Variants in PCNX1 observed in about 807,000 individuals in gnomAD.
The protein encoded by PCNX1 is pecanex 1, also known as pecanex-like protein 1.
PCNX1 carries 78 observed loss-of-function variants against 242.2 expected under a neutral mutation model. That is an observed-to-expected ratio of 0.32 (90% CI 0.27 to 0.39). PCNX1 has a LOEUF of 0.39. Ranked by LOEUF, PCNX1 falls within the 10% of genes least tolerant of loss-of-function variation. PCNX1 has a pLI of 1.00. For missense variants in PCNX1, 2,581 were observed against 2,856.5 expected (o/e 0.90, Z 2.20); for synonymous variants, 1,024 against 1,032.9 (o/e 0.99, Z 0.17).
intron 3 of PCNX1, among the ~76,000 whole-genome samples, chr14:70,965,662 C>CAA (rs11453401): frequency 0.034 from 3,080 of 90,482 alleles, 113 homozygotes; most frequent in African/African-American, 0.068. Flanking sequence ...GACTCCGTCT[C>CAA]AAAAAAAAAA....
In PCNX1 at chr14:71,111,216, A is replaced by G. The variant is rs1211837018; in HGVS notation, c.*1281A>G. 1 of 152,562 alleles carries G rather than the reference A, an allele frequency of 6.6e-6. No individual in the cohort carries two copies. The highest frequency in any genetic ancestry group is 1.9e-4 in the East Asian group (1 of 5,200). The allele number at this position is 152,562 out of a possible 1,614,324, so 9.5% of individuals were successfully genotyped here. On this transcript the variant is annotated 3_prime_UTR_variant, in exon 36 of 36. Coordinates refer to ENST00000304743, the MANE Select transcript of PCNX1 (RefSeq NM_014982.3). ...TTTAAATGCATATTCAGGGAAATAT[A>G]TTACTCATATTTACAATTGGGCGAT... is the stretch of plus-strand genomic sequence containing the variant.
chr14:70,947,654 G>A (rs1242623528), intron 2 of PCNX1, among the ~76,000 whole-genome samples: 1 of 152,050 alleles, frequency 6.6e-6, no homozygotes, highest in South Asian at 2.1e-4. Context: ...TGTGATGATT[G>A]CGTTGTCTGT....
intron 26 of PCNX1, among the ~76,000 whole-genome samples, chr14:71,067,377 T>C (rs917441815): frequency 6.6e-6 from 1 of 152,206 alleles, no homozygotes; most frequent in Non-Finnish European, 1.5e-5. Context: ...CTATTTTTTT[T>C]CTAGACTTTC....
At chr14:70,948,867 G>A (rs1012536082) in intron 2 of PCNX1, among the ~76,000 whole-genome samples, 1 of 146,512 alleles carries the variant, frequency 6.8e-6, no homozygotes, top group Non-Finnish European at 1.5e-5. Context: ...ATACACATAT[G>A]TATATATAGA....
chr14:70,990,564 C>CA (rs35800114), intron 7 of PCNX1, among the ~76,000 whole-genome samples: 4,341 of 140,702 alleles, frequency 0.031, 63 homozygotes, highest in African/African-American at 0.036. Context: ...GACTCCATCT[C>CA]AAAAAAAAAA....
chr14:71,078,845 T>G (rs575569252), intron 28 of PCNX1: 2 of 152,302 alleles, frequency 1.3e-5, no homozygotes, highest in South Asian at 4.1e-4. Flanking sequence ...AGTTTTCTCA[T>G]GTTTCTTTTT....
intron 2 of PCNX1, 80 bp downstream of exon 2, chr14:70,947,203 C>A: frequency 9.4e-7 from 1 of 1,066,422 alleles, no homozygotes; most frequent in Non-Finnish European, 1.4e-6. Context: ...TTATATTGTA[C>A]TTGTTTTCTT....
Position 71,047,083 on chromosome 14 carries a change from A to C in PCNX1, c.4138A>C (p.Ser1380Arg), listed in dbSNP as rs763573028. ...ELSSSAETIA[S>R]PKKLNTELGA... ...GAGCAGCAGTGCAGAGACAATTGCT[A>C]GTCCAAAGAAACTGAATACAGAGTA... is the stretch of plus-strand genomic sequence containing the variant. The change falls in exon 21 of 36, where the codon AGT becomes CGT. Residue 1380 changes from serine (S) to arginine (R), a missense_variant. This residue lies in a region of PCNX1 where 432 missense variants were observed against 443.1 expected (regional missense o/e 0.97). Coordinates refer to ENST00000304743, the MANE Select transcript of PCNX1 (RefSeq NM_014982.3). 6.8e-6 allele frequency: 11 copies of C among 1,606,454 alleles called. No homozygotes were observed. The highest frequency in any genetic ancestry group is 9.4e-6 in the Non-Finnish European group (11 of 1,174,892).
rs1299735521 is a variant in PCNX1, at chr14:70,910,180, CTCCTCCTCCTCCTCCTCCTCCTCCTCG to C, written c.153+2201_153+2227del. ...CCTCCTCCTCCTCCTCCTCCTCCTCCTCCTCCTCCTCCTCCTCCTCCTCCTCGTCCTCCTCCTCCTCCTCCTCCTCTC... is the reference window on the plus strand; with the variant it reads ...CCTCCTCCTCCTCCTCCTCCTCCTCCTCCTCCTCCTCCTCCTCCTCCTCTC... On this transcript the variant is annotated intron_variant, in intron 1 of 35. Transcript: ENST00000304743. Among the ~76,000 whole-genome samples the C allele has an allele frequency of 1.2e-3, 32 of 27,726 alleles. 1 individual carries two copies. The highest frequency in any genetic ancestry group is 3.6e-3 in the African/African-American group (27 of 7,452). The allele number at this position is 27,726 out of a possible 152,430, so 18.2% of individuals were successfully genotyped here. A position where few individuals can be genotyped will look rare whatever the true frequency, so the allele number is the denominator to read the frequency against.
At chr14:70,948,994 A>T (rs1235013562) in intron 2 of PCNX1, among the ~76,000 whole-genome samples, 1 of 147,320 alleles carries the variant, frequency 6.8e-6, no homozygotes, top group Non-Finnish European at 1.5e-5. Context: ...TATAAATCTC[A>T]GCATTTTTAT....
chr14:71,033,318 C>G (rs761006667), intron 16 of PCNX1, 111 bp from the exon 17 acceptor site: 27 of 572,918 alleles, frequency 4.7e-5, no homozygotes, highest in Non-Finnish European at 7.7e-5. Context: ...TGGCTAAAAA[C>G]TTTTGTTGAA....
At chr14:71,035,346 C>T (rs1241424040) in intron 18 of PCNX1, among the ~76,000 whole-genome samples, 2 of 152,104 alleles carry the variant, frequency 1.3e-5, no homozygotes, top group Non-Finnish European at 2.9e-5. Flanking sequence ...ATATGTTATA[C>T]GGCATGCAGA....
At position 71,019,154 on chromosome 14, in the gene PCNX1, C is replaced by A; in HGVS notation, c.3142C>A (p.Leu1048Met). 1.2e-6 allele frequency: 2 copies of A among 1,608,146 alleles called. No homozygotes were observed. The highest frequency in any genetic ancestry group is 1.7e-5 in the Admixed American group (1 of 59,164). ...CLVIASCQYS[L>M]LKSVQPDSSS... is the part of the protein sequence containing the mutation. ...CGTCATAGCCAGCTGTCAATACTCA[C>A]TGCTTAAGGTACCAGCATCTCTTCT... is the stretch of plus-strand genomic sequence containing the variant. The change falls in exon 12 of 36, where the codon CTG becomes ATG. Residue 1048 changes from leucine (L) to methionine (M), a missense_variant. Physicochemically the swap from Leu to Met is conservative, Grantham distance 15. This residue lies in a region of PCNX1 where 4 missense variants were observed against 24.3 expected (regional missense o/e 0.16). Transcript: ENST00000304743.
chr14:71,114,595 T>C lies in PCNX1; in HGVS notation c.*4660T>C, dbSNP rs993092188. The C allele has an allele frequency of 6.6e-6, 1 of 152,642 alleles. No homozygotes were observed. The highest frequency in any genetic ancestry group is 2.4e-5 in the African/African-American group (1 of 41,454). The allele number at this position is 152,642 out of a possible 1,614,324, so 9.5% of individuals were successfully genotyped here. ...CCATTTTGTGGAATCAACCTTACATTCTTTGGTGGAACTAGAGCTGATTGT... is the reference window on the plus strand; with the variant it reads ...CCATTTTGTGGAATCAACCTTACATCCTTTGGTGGAACTAGAGCTGATTGT... On this transcript the variant is annotated 3_prime_UTR_variant, in exon 36 of 36. Transcript: ENST00000304743.
intron 20 of PCNX1, among the ~76,000 whole-genome samples, chr14:71,045,779 A>G (rs1040819315): frequency 6.6e-6 from 1 of 152,214 alleles, no homozygotes; most frequent in Non-Finnish European, 1.5e-5. Context: ...AAAAGAAATT[A>G]AAAACATTTT....
intron 5 of PCNX1, among the ~76,000 whole-genome samples, chr14:70,973,828 CT>C (rs953326737): frequency 2.0e-5 from 3 of 151,832 alleles, no homozygotes; most frequent in Admixed American, 6.6e-5. Flanking sequence ...CACTGATAAA[CT>C]TTTTTTTGCA....
At chr14:71,088,777 G>C (rs2062057194) in intron 29 of PCNX1, among the ~76,000 whole-genome samples, 1 of 152,044 alleles carries the variant, frequency 6.6e-6, no homozygotes, top group South Asian at 2.1e-4. Context: ...TCTTTGTCCA[G>C]GGTATTTATA....
chr14:71,077,140 C>T (rs1595450131), intron 28 of PCNX1, among the ~76,000 whole-genome samples: 2 of 152,282 alleles, frequency 1.3e-5, no homozygotes, highest in African/African-American at 4.8e-5. Context: ...TCCCAATCCA[C>T]ACATTAGGAT....
At chr14:70,969,231 A>G (rs913806423) in intron 5 of PCNX1, 121 bp downstream of exon 5, 9 of 678,524 alleles carry the variant, frequency 1.3e-5, no homozygotes, top group Non-Finnish European at 1.9e-5. Flanking sequence ...TTAAGGAAAC[A>G]TTAACATAAA....
Sources: gnomAD v4.1 joint callset for allele counts (sites outside exome capture counted in the v4.1 genomes callset) on GRCh38, gnomAD v4.1.1 for gene constraint, gnomAD v4.1.1 regional missense constraint, MANE v1.5 for transcripts, NCBI Gene and HGNC (gene_info 2026-07-23, HGNC 2026-07-21) for gene names.